Variants in TMPRSS13 observed in about 807,000 individuals in gnomAD.
The protein encoded by TMPRSS13 is transmembrane protease serine 13.
A neutral mutation model predicts 68.4 loss-of-function variants in TMPRSS13; 50 were observed. That is an observed-to-expected ratio of 0.73 (90% confidence interval 0.58 to 0.93). The LOEUF is 0.93. TMPRSS13 is among the 40% of genes least tolerant of loss of function. The pLI, the probability that TMPRSS13 is intolerant of heterozygous loss-of-function variation, is 0.00. For synonymous variants in TMPRSS13, 267 were observed against 285.8 expected, an observed-to-expected ratio of 0.93 and a Z score of 0.66; for missense variants, 615 against 729.2, an observed-to-expected ratio of 0.84 and a Z score of 1.80.
At chr11:117,923,346 G>A (rs1040894564) in intron 1 of TMPRSS13, among the ~76,000 whole-genome samples, 4 of 152,036 alleles carry the variant, frequency 2.6e-5, no homozygotes, top group African/African-American at 9.7e-5. Flanking sequence ...TTACCTGGTG[G>A]GGATGGTAGT....
rs2057551173 is a variant in TMPRSS13, at chr11:117,914,254, C to T, written c.679+138G>A. 2 of 1,203,922 alleles carry T rather than the reference C, an allele frequency of 1.7e-6. No homozygotes were observed. Among genetic ancestry groups the T allele is most frequent in the Non-Finnish European group, 2.4e-6 (2 of 840,116 alleles). The allele number at this position is 1,203,922 out of a possible 1,614,324, so 74.6% of individuals were successfully genotyped here. ...ACGTGCACACACACATACATGCATA[C>T]ACACAAACATGCACATACACACACA... On this transcript the variant is annotated intron_variant, in intron 4 of 12. Transcript: ENST00000524993. This position sits in a 1 kb window ranked among gnomAD's most constrained non-coding sequence, Gnocchi z 4.2.
intron 1 of TMPRSS13, among the ~76,000 whole-genome samples, chr11:117,920,648 C>T (rs916090571): frequency 6.6e-6 from 1 of 152,066 alleles, no homozygotes; most frequent in African/African-American, 2.4e-5. Flanking sequence ...GCCACCACAC[C>T]CGGTTAATTT....
intron 1 of TMPRSS13, among the ~76,000 whole-genome samples, chr11:117,923,838 TAA>T (rs1555057480): frequency 0.019 from 2,479 of 128,122 alleles, 89 homozygotes; most frequent in African/African-American, 0.065. Context: ...GTATAATAAT[TAA>T]AAAAAAAAAA....
chr11:117,913,756 T>G, intron 5 of TMPRSS13, 21 bp downstream of exon 5: 2 of 1,612,826 alleles, frequency 1.2e-6, no homozygotes, highest in South Asian at 2.2e-5. Flanking sequence ...GCCTGGACTC[T>G]GGGGCCAGGT....
intron 1 of TMPRSS13, among the ~76,000 whole-genome samples, chr11:117,923,814 C>G (rs2057670663): frequency 7.7e-6 from 1 of 130,406 alleles, no homozygotes; most frequent in Non-Finnish European, 1.6e-5. Flanking sequence ...TGCACATGTA[C>G]CCTAGAACTT....
chr11:117,923,608 A>G (rs966564296), intron 1 of TMPRSS13, among the ~76,000 whole-genome samples: 2 of 152,114 alleles, frequency 1.3e-5, no homozygotes, highest in Non-Finnish European at 2.9e-5. Flanking sequence ...GAACCACCCT[A>G]TAAAAAGCTC....
chr11:117,926,634 G>A (rs1051227706), intron 1 of TMPRSS13, among the ~76,000 whole-genome samples: 1 of 152,196 alleles, frequency 6.6e-6, no homozygotes, highest in African/African-American at 2.4e-5. Context: ...AATTGAAAAA[G>A]CACAAAATAC....
At chr11:117,926,174 A>G (rs11216632) in intron 1 of TMPRSS13, among the ~76,000 whole-genome samples, 1,661 of 126,248 alleles carry the variant, frequency 0.013, 9 homozygotes, top group East Asian at 0.032. Context: ...ACACACCTGC[A>G]GGGGCATAGG....
Position 117,914,267 on chromosome 11 carries a change from A to ATACACACAAACATGCT in TMPRSS13, c.679+124_679+125insAGCATGTTTGTGTGTA. 7.7e-7 allele frequency: 1 copy of ATACACACAAACATGCT among 1,304,676 alleles called. No individual in the cohort carries two copies. 80.8% of individuals were successfully genotyped at this position (1,304,676 alleles called of 1,614,324 possible). ...CATACATGCATACACACAAACATGC[A>ATACACACAAACATGCT]CATACACACACATGCACGCACACAT... On this transcript the variant is annotated intron_variant, in intron 4 of 12. Transcript: ENST00000524993. This position sits in a 1 kb window ranked among gnomAD's most constrained non-coding sequence, Gnocchi z 4.2.
At chr11:117,910,459 G>A (rs1430206557) in intron 7 of TMPRSS13, 5 of 500,028 alleles carry the variant, frequency 1.0e-5, no homozygotes, top group Non-Finnish European at 1.8e-5. Flanking sequence ...ATGCACAGAA[G>A]ACTCAGACAG....
chr11:117,911,367 G>A (rs1046100149), intron 6 of TMPRSS13, among the ~76,000 whole-genome samples: 10 of 152,274 alleles, frequency 6.6e-5, no homozygotes, highest in African/African-American at 2.2e-4. Flanking sequence ...AGCAGAGAAT[G>A]GGCCGAGTAG....
intron 10 of TMPRSS13, 114 bp downstream of exon 10, chr11:117,905,524 G>T (rs926486774): frequency 1.2e-6 from 1 of 821,778 alleles, no homozygotes. Flanking sequence ...ATACCCAAAC[G>T]CTCATCGACA....
rs1422991721 is a variant in TMPRSS13 at position 117,918,742 on chromosome 11, A to G, written c.118T>C (p.Ser40Pro). 6.2e-7 allele frequency: 1 copy of G among 1,611,386 alleles called. No homozygotes were observed. The highest frequency in any genetic ancestry group is 8.5e-7 in the Non-Finnish European group (1 of 1,179,316). ...PPGRASPAQASPAQASPAGTP... is the reference protein window; with the variant it reads ...PPGRASPAQAPPAQASPAGTP... Reference sequence around the variant, plus strand: ...CCAGCTGGAGATGCCTGGGCTGGAGATGCCTGGGCTGGAGATGCCCGGCCT... The same window carrying G: ...CCAGCTGGAGATGCCTGGGCTGGAGGTGCCTGGGCTGGAGATGCCCGGCCT... Residue 40 changes from serine (S) to proline (P), a missense_variant, in exon 2 of 13, where the codon TCT becomes CCT. Coordinates refer to ENST00000524993, the MANE Select transcript of TMPRSS13 (RefSeq NM_001077263.3).
At chr11:117,916,955 G>A (rs1292855149) in intron 3 of TMPRSS13, among the ~76,000 whole-genome samples, 1 of 152,212 alleles carries the variant, frequency 6.6e-6, no homozygotes. Context: ...GCCAAGCTCA[G>A]GTTCCTCTGA....
chr11:117,907,285 A>C (rs1035877556), intron 9 of TMPRSS13, among the ~76,000 whole-genome samples: 1 of 152,032 alleles, frequency 6.6e-6, no homozygotes, highest in African/African-American at 2.4e-5. Context: ...CTCCACAGAC[A>C]AGGATGGAGT....
intron 1 of TMPRSS13, 147 bp from the exon 2 acceptor site, chr11:117,918,985 G>A (rs1266521317): frequency 3.4e-6 from 4 of 1,189,752 alleles, no homozygotes; most frequent in Admixed American, 4.7e-5. Flanking sequence ...TCTGAGAGGA[G>A]GACTGTGTCC....
chr11:117,919,135 A>G (rs2057617105), intron 1 of TMPRSS13, among the ~76,000 whole-genome samples: 1 of 152,162 alleles, frequency 6.6e-6, no homozygotes, highest in East Asian at 1.9e-4. Flanking sequence ...TAGGCTACGC[A>G]TGTCTAGGAG....
intron 2 of TMPRSS13, among the ~76,000 whole-genome samples, 166 bp downstream of exon 2, chr11:117,918,243 G>C (rs900535286): frequency 1.3e-5 from 2 of 152,070 alleles, no homozygotes; most frequent in Admixed American, 1.3e-4. Context: ...TTCATGTAAT[G>C]TTTCCTTTTT....
rs115682789 is a variant in TMPRSS13 at position 117,905,512 on chromosome 11, G to A, written c.1381+126C>T. On this transcript the variant is annotated intron_variant, in intron 10 of 12. Coordinates refer to ENST00000524993, the MANE Select transcript of TMPRSS13 (RefSeq NM_001077263.3). Reference sequence around the variant, plus strand: ...TAATCACACCCAGGCCCATGAATCCGTATACCCAAACGCTCATCGACATAG... The same window carrying A: ...TAATCACACCCAGGCCCATGAATCCATATACCCAAACGCTCATCGACATAG... 183 of 710,470 alleles carry A rather than the reference G, an allele frequency of 2.6e-4. No individual in the cohort carries two copies. In the African/African-American group the frequency reaches 2.7e-3, roughly 11 times the overall value. The allele number at this position is 710,470 out of a possible 1,614,324, so 44.0% of individuals were successfully genotyped here. A position where few individuals can be genotyped will look rare whatever the true frequency, so the allele number is the denominator to read the frequency against.
Sources: allele counts gnomAD v4.1 joint callset (sites outside exome capture counted in the v4.1 genomes callset), GRCh38; gene constraint gnomAD v4.1.1; non-coding constraint Gnocchi (gnomAD v3.1); transcripts MANE v1.5; gene names NCBI Gene and HGNC (gene_info 2026-07-23, HGNC 2026-07-21).